Variants in WWOX observed in about 807,000 individuals in gnomAD.
WWOX encodes WW domain-containing oxidoreductase.
Under a neutral mutation model 46.2 loss-of-function variants are expected in WWOX, and 69 were observed. The observed-to-expected ratio is 1.49, with a 90% CI of 1.23 to 1.82. The LOEUF is 1.82. Among genes scored for constraint, WWOX ranks in the 40% most tolerant of loss-of-function variants. WWOX has a pLI of 0.00. For synonymous variants in WWOX, 359 were observed against 202.6 expected, an observed-to-expected ratio of 1.77 and a Z score of -6.56; for missense variants, 919 against 542.6, an observed-to-expected ratio of 1.69 and a Z score of -6.89.
chr16:79,029,960 C>T (rs1031231666), intron 8 of WWOX, among the ~76,000 whole-genome samples: 2 of 152,154 alleles, frequency 1.3e-5, no homozygotes, highest in Non-Finnish European at 2.9e-5. Context: ...TTTATAATTT[C>T]TTGATGATCC....
At chr16:78,566,728 A>G (rs1356411482) in intron 8 of WWOX, among the ~76,000 whole-genome samples, 1 of 152,208 alleles carries the variant, frequency 6.6e-6, no homozygotes, top group Non-Finnish European at 1.5e-5. Flanking sequence ...AGTGGGCTTT[A>G]CTTCCTCCTC....
chr16:78,450,409 C>G (rs978032668), intron 8 of WWOX, among the ~76,000 whole-genome samples: 4 of 152,274 alleles, frequency 2.6e-5, no homozygotes, highest in African/African-American at 9.6e-5. Flanking sequence ...GAAATCTTTT[C>G]TGACTGCTCA....
intron 8 of WWOX, among the ~76,000 whole-genome samples, chr16:78,951,346 AG>A (rs1010236261): frequency 0.093 from 20 of 216 alleles, no homozygotes; most frequent in Non-Finnish European, 0.28. Context: ...TATAGCTTCA[AG>A]CAAGAGTCCC....
intron 8 of WWOX, among the ~76,000 whole-genome samples, chr16:78,961,589 G>A (rs1009973572): frequency 6.6e-6 from 1 of 151,886 alleles, no homozygotes; most frequent in Non-Finnish European, 1.5e-5. Flanking sequence ...GGTGAGTAAG[G>A]GGGGATAAAT....
chr16:78,587,627 C>T (rs1413639954), intron 8 of WWOX, among the ~76,000 whole-genome samples: 1 of 152,014 alleles, frequency 6.6e-6, no homozygotes, highest in Non-Finnish European at 1.5e-5. Flanking sequence ...GGTGTTGGAT[C>T]CATAGGACAT....
intron 8 of WWOX, among the ~76,000 whole-genome samples, chr16:78,735,632 A>G (rs1016262934): frequency 2.0e-5 from 3 of 152,224 alleles, no homozygotes; most frequent in African/African-American, 7.2e-5. Flanking sequence ...AGGAGACAGC[A>G]GACAGTTCCT....
At chr16:78,868,988 C>G (rs535561047) in intron 8 of WWOX, among the ~76,000 whole-genome samples, 68 of 151,992 alleles carry the variant, frequency 4.5e-4, no homozygotes, top group Middle Eastern at 6.8e-3. Flanking sequence ...CACATGCATG[C>G]GATCTGTAAA....
rs762544171 is a variant in WWOX, at chr16:78,115,042, C to G, written c.297C>G (p.Thr99=). The change falls in exon 4 of 9, where the codon ACC becomes ACG. Residue 99 remains threonine, a synonymous_variant. Coordinates refer to ENST00000566780, the MANE Select transcript of WWOX (RefSeq NM_016373.4). ...CGTTTACTGTGGATGATAATCCGAC[C>G]AAGCCAACCACCCGGCAAAGATACG... ...RLAFTVDDNP[T]KPTTRQRYDG... The G allele has an allele frequency of 1.2e-6, 2 of 1,614,158 alleles. No individual in the cohort carries two copies. Among genetic ancestry groups the G allele is most frequent in the South Asian group, 1.1e-5 (1 of 91,076 alleles).
intron 8 of WWOX, among the ~76,000 whole-genome samples, chr16:78,660,431 G>A (rs1270577325): frequency 6.6e-6 from 1 of 152,126 alleles, no homozygotes; most frequent in East Asian, 1.9e-4. Flanking sequence ...ACTTAACACA[G>A]CTTTCATTTT....
intron 8 of WWOX, among the ~76,000 whole-genome samples, chr16:78,885,192 CTTTTTT>C (rs58558697): frequency 7.8e-6 from 1 of 127,738 alleles, no homozygotes; most frequent in Non-Finnish European, 1.6e-5. Context: ...TCACTCTCTA[CTTTTTT>C]TTTTTTTTTT....
intron 6 of WWOX, among the ~76,000 whole-genome samples, chr16:78,391,961 G>A (rs2082182453): frequency 6.6e-6 from 1 of 151,138 alleles, no homozygotes; most frequent in Admixed American, 6.6e-5. Flanking sequence ...ATTCAAATAA[G>A]GTCGATGCAT....
intron 8 of WWOX, among the ~76,000 whole-genome samples, chr16:78,868,824 G>A (rs1388411783): frequency 6.6e-6 from 1 of 152,158 alleles, no homozygotes; most frequent in Admixed American, 6.5e-5. Context: ...GGAAAGACCT[G>A]CAGCTCTTCT....
intron 4 of WWOX, 143 bp downstream of exon 4, chr16:78,115,297 T>C: frequency 4.0e-6 from 4 of 1,005,998 alleles, no homozygotes; most frequent in Non-Finnish European, 6.0e-6. Context: ...TTAACATCAC[T>C]ACCTCTTTTT....
chr16:79,046,382 G>C (rs1378217181), intron 8 of WWOX, among the ~76,000 whole-genome samples: 6 of 152,264 alleles, frequency 3.9e-5, no homozygotes, highest in Admixed American at 2.6e-4. Context: ...GTCTTTATCA[G>C]TTCAGGCTGC....
At chr16:78,618,614 A>G (rs2046088881) in intron 8 of WWOX, among the ~76,000 whole-genome samples, 1 of 152,142 alleles carries the variant, frequency 6.6e-6, no homozygotes, top group Admixed American at 6.5e-5. Flanking sequence ...TTGGGCTTCC[A>G]CATACAAAGT....
rs1425484116 is a variant in WWOX, at chr16:78,629,595, C to T, written c.1056+196843C>T. 2.0e-5 allele frequency among the ~76,000 whole-genome samples: 3 copies of T among 152,194 alleles called. No individual in the cohort carries two copies. The East Asian group carries it at 5.8e-4, about 29-fold the overall frequency. On this transcript the variant is annotated intron_variant, in intron 8 of 8. Coordinates refer to ENST00000566780, the MANE Select transcript of WWOX (RefSeq NM_016373.4). ...CCTGCAAGACCCCTGCCAACCTCTG[C>T]AGCTTACTTTGTACCACTTTCCCCA...
chr16:79,067,141 C>CCAGCCT (rs2048456440), intron 8 of WWOX, among the ~76,000 whole-genome samples: 1 of 152,216 alleles, frequency 6.6e-6, no homozygotes, highest in African/African-American at 2.4e-5. Flanking sequence ...TAGGGCCTGT[C>CCAGCCT]TGGGGCTCCA....
chr16:78,452,867 T>C (rs867564578), intron 8 of WWOX, among the ~76,000 whole-genome samples: 2 of 127,638 alleles, frequency 1.6e-5, no homozygotes, highest in African/African-American at 7.3e-5. Context: ...AGTGAGCTAT[T>C]TATATATATA....
At chr16:78,482,829 C>T (rs2084529354) in intron 8 of WWOX, among the ~76,000 whole-genome samples, 1 of 152,184 alleles carries the variant, frequency 6.6e-6, no homozygotes, top group Non-Finnish European at 1.5e-5. Context: ...GGATCTATCT[C>T]ACTCATCTGC....
Sources: gnomAD v4.1 joint callset for allele counts (sites outside exome capture counted in the v4.1 genomes callset) on GRCh38, gnomAD v4.1.1 for gene constraint, MANE v1.5 for transcripts, NCBI Gene and HGNC (gene_info 2026-07-23, HGNC 2026-07-21) for gene names.